Variants in BOD1L1 observed in about 807,000 individuals in gnomAD.
BOD1L1 encodes biorientation of chromosomes in cell division protein 1-like 1.
BOD1L1 carries 86 observed loss-of-function variants against 240.7 expected under a neutral mutation model. The ratio of observed to expected loss-of-function variants is 0.36; its 90% CI spans 0.30 to 0.43. BOD1L1 has a LOEUF of 0.43. BOD1L1 is among the 20% of genes least tolerant of loss of function. BOD1L1 has a pLI of 1.00. For synonymous variants in BOD1L1, 1,268 were observed against 1,272.3 expected, an observed-to-expected ratio of 1.00 and a Z score of 0.07; for missense variants, 3,554 against 3,643.5, an observed-to-expected ratio of 0.98 and a Z score of 0.63.
chr4:13,581,325 C>T lies in BOD1L1; in HGVS notation c.8593-118G>A. 3 of 679,422 alleles carry T rather than the reference C, an allele frequency of 4.4e-6. No homozygotes were observed. The South Asian group carries it at 6.6e-5, about 15-fold the overall frequency. The allele number at this position is 679,422 out of a possible 1,614,324, so 42.1% of individuals were successfully genotyped here. A position where few individuals can be genotyped will look rare whatever the true frequency, so the allele number is the denominator to read the frequency against. Reference sequence around the variant, plus strand: ...CTGTCTAAGAGACCTCAAATCCTAGCTTTGTCACTTTAAAAATATGTGATG... The same window carrying T: ...CTGTCTAAGAGACCTCAAATCCTAGTTTTGTCACTTTAAAAATATGTGATG... On this transcript the variant is annotated intron_variant, in intron 19 of 25. Transcript: ENST00000040738.
chr4:13,595,404 T>G (rs1181353372), intron 12 of BOD1L1, among the ~76,000 whole-genome samples: 1 of 152,294 alleles, frequency 6.6e-6, no homozygotes. Context: ...ACAGAGAGAC[T>G]GAGATGAGGT....
At chr4:13,584,441 A>AGGGTGTGT (rs1476066597) in intron 17 of BOD1L1, among the ~76,000 whole-genome samples, 1 of 134,814 alleles carries the variant, frequency 7.4e-6, no homozygotes. Flanking sequence ...AGAGAGAGAG[A>AGGGTGTGT]GTGTGTGTGT....
At chr4:13,579,581 G>T (rs780666586) in intron 22 of BOD1L1, among the ~76,000 whole-genome samples, 17 of 152,236 alleles carry the variant, frequency 1.1e-4, no homozygotes, top group Middle Eastern at 3.4e-3. Context: ...ACCACAAAAT[G>T]CATACATATA....
chr4:13,584,441 A>AGTGTGTGTGT lies in BOD1L1; in HGVS notation c.8434-1715_8434-1706dup, dbSNP rs36096107. Reference sequence around the variant, plus strand: ...GTGGCGGGGAGAGAAAGAGAGAGAGAGTGTGTGTGTGTGTGTGTGTGTGTG... The same window carrying AGTGTGTGTGT: ...GTGGCGGGGAGAGAAAGAGAGAGAGAGTGTGTGTGTGTGTGTGTGTGTGTGTGTGTGTGTG... On this transcript the variant is annotated intron_variant, in intron 17 of 25. Coordinates refer to ENST00000040738, the MANE Select transcript of BOD1L1 (RefSeq NM_148894.3). Among the ~76,000 whole-genome samples, 425 of 134,882 alleles carry AGTGTGTGTGT rather than the reference A, an allele frequency of 3.2e-3. 4 individuals carry two copies. Among genetic ancestry groups the AGTGTGTGTGT allele is most frequent in the African/African-American group, 9.0e-3 (329 of 36,406 alleles). 88.5% of individuals were successfully genotyped at this position (134,882 alleles called of 152,430 possible). A position where few individuals can be genotyped will look rare whatever the true frequency, so the allele number is the denominator to read the frequency against.
rs1712004118 is a variant in BOD1L1 at position 13,569,276 on chromosome 4, T to A, written c.*735A>T. 6.6e-6 allele frequency: 1 copy of A among 152,194 alleles called. No homozygotes were observed. Among genetic ancestry groups the A allele is most frequent in the Admixed American group, 6.5e-5 (1 of 15,280 alleles). 9.4% of individuals were successfully genotyped at this position (152,194 alleles called of 1,614,324 possible). A position where few individuals can be genotyped will look rare whatever the true frequency, so the allele number is the denominator to read the frequency against. ...GCAACTTTACCTGAACCAGAACCTG[T>A]TTTGTGTCAACGTGGCTGGTAGTAA... On this transcript the variant is annotated 3_prime_UTR_variant, in exon 26 of 26. Transcript: ENST00000040738.
intron 12 of BOD1L1, among the ~76,000 whole-genome samples, chr4:13,593,720 C>G (rs1361661392): frequency 6.6e-6 from 1 of 152,052 alleles, no homozygotes; most frequent in East Asian, 1.9e-4. Flanking sequence ...TCAGTCATTT[C>G]CATGTTGATT....
Position 13,627,689 on chromosome 4 carries a change from G to C in BOD1L1, c.-102C>G, listed in dbSNP as rs1717522924. 1 of 975,920 alleles carries C rather than the reference G, an allele frequency of 1.0e-6. No individual in the cohort carries two copies. The highest frequency in any genetic ancestry group is 1.8e-5 in the African/African-American group (1 of 57,064). The allele number at this position is 975,920 out of a possible 1,614,324, so 60.5% of individuals were successfully genotyped here. On this transcript the variant is annotated 5_prime_UTR_variant, in exon 1 of 26. Coordinates refer to ENST00000040738, the MANE Select transcript of BOD1L1 (RefSeq NM_148894.3). ...GCCTGAGGGAAGCCAACGGGATGTT[G>C]TTACGGAACCAGCGGATCCAGAGCA...
At chr4:13,573,470 A>ATCTATCTATCTATCTTTCTTTCTTTCTT (rs71169517) in intron 25 of BOD1L1, among the ~76,000 whole-genome samples, 9 of 122,728 alleles carry the variant, frequency 7.3e-5, no homozygotes, top group African/African-American at 2.4e-4. Flanking sequence ...CTATCTATCT[A>ATCTATCTATCTATCTTTCTTTCTTTCTT]TCTTTCTTTC....
chr4:13,601,119 A>C lies in BOD1L1; in HGVS notation c.5781T>G (p.Asn1927Lys). The change falls in exon 10 of 26, where the codon AAT becomes AAG. Residue 1927 changes from asparagine (N) to lysine (K), a missense_variant. Transcript: ENST00000040738. ...AEAGAAIMNA[N>K]ENNVDSMSGT... The stretch of plus-strand genomic sequence containing the variant: ...CACTCATGCTGTCAACATTATTTTC[A>C]TTTGCATTCATGATGGCAGCTCCAG... 1 of 1,613,770 alleles carries C rather than the reference A, an allele frequency of 6.2e-7. No homozygotes were observed. Among genetic ancestry groups the C allele is most frequent in the Non-Finnish European group, 8.5e-7 (1 of 1,179,852 alleles).
intron 8 of BOD1L1, among the ~76,000 whole-genome samples, chr4:13,608,209 G>A (rs1715865789): frequency 6.6e-6 from 1 of 152,096 alleles, no homozygotes; most frequent in African/African-American, 2.4e-5. Context: ...ATACCTCCAG[G>A]GAACTTCTAG....
intron 5 of BOD1L1, 114 bp from the exon 6 acceptor site, chr4:13,611,214 A>G: frequency 1.5e-6 from 1 of 651,090 alleles, no homozygotes; most frequent in Non-Finnish European, 2.5e-6. Context: ...GGGAAATATC[A>G]GGATGTGAAG....
intron 17 of BOD1L1, among the ~76,000 whole-genome samples, chr4:13,583,526 G>A (rs1468123531): frequency 1.3e-5 from 2 of 152,092 alleles, no homozygotes; most frequent in African/African-American, 2.4e-5. Flanking sequence ...TAGCCTTTCA[G>A]GGACTGGAAG....
chr4:13,590,263 A>T lies in BOD1L1; in HGVS notation c.8209+123T>A, dbSNP rs1200053002. 6.0e-6 allele frequency: 3 copies of T among 502,326 alleles called. No individual in the cohort carries two copies. In the East Asian group the frequency reaches 1.1e-4, roughly 18 times the overall value. 31.1% of individuals were successfully genotyped at this position (502,326 alleles called of 1,614,324 possible). A position where few individuals can be genotyped will look rare whatever the true frequency, so the allele number is the denominator to read the frequency against. ...ATGCTGTTAACTATCACTTTACTGA[A>T]TTTTTATGAATTAAATGAGAGAAAG... On this transcript the variant is annotated intron_variant, in intron 14 of 25. Transcript: ENST00000040738.
At chr4:13,573,885 T>C (rs1047858009) in intron 25 of BOD1L1, among the ~76,000 whole-genome samples, 1 of 152,078 alleles carries the variant, frequency 6.6e-6, no homozygotes, top group Non-Finnish European at 1.5e-5. Context: ...CTATGTTGCT[T>C]AGGCTGGTCT....
At position 13,603,604 on chromosome 4, in the gene BOD1L1, C is replaced by A. The variant is rs949087853; in HGVS notation, c.3296G>T (p.Gly1099Val). The A allele has an allele frequency of 1.2e-6, 2 of 1,613,938 alleles. No individual in the cohort carries two copies. The highest frequency in any genetic ancestry group is 1.1e-5 in the South Asian group (1 of 91,068). ...CTTTTTTGGTCTCTGAAGGGAGGAA[C>A]CGCTGGGAGTGCTCAAAGTGTTTGC... The part of the protein sequence containing the change: ...LAANTLSTPS[G>V]SSLQRPKKSG... Residue 1099 changes from glycine to valine, a missense_variant, in exon 10 of 26, where the codon GGT becomes GTT. Physicochemically the swap from Gly to Val is moderately radical, Grantham distance 109 (BLOSUM62 -3). Around this residue, in one of 2 missense-constraint regions of BOD1L1, gnomAD observed 3,393 missense variants for 3,427.1 expected, o/e 0.99. Transcript: ENST00000040738.
chr4:13,588,138 C>T (rs1045122844), intron 15 of BOD1L1, among the ~76,000 whole-genome samples: 6 of 146,132 alleles, frequency 4.1e-5, no homozygotes, highest in South Asian at 2.1e-4. Flanking sequence ...CAGTGAGAAG[C>T]GTTCACACCA....
At position 13,603,213 on chromosome 4, in the gene BOD1L1, A is replaced by G; in HGVS notation, c.3687T>C (p.Thr1229=). The part of the protein sequence containing the change: ...GEKEPIHRGT[T]EVNIDSETVH... Reference sequence around the variant, plus strand: ...CAGTTTCAGAATCTATATTCACTTCAGTAGTTCCTCTATGAATGGGTTCTT... The same window carrying G: ...CAGTTTCAGAATCTATATTCACTTCGGTAGTTCCTCTATGAATGGGTTCTT... Residue 1229 remains threonine, a synonymous_variant, in exon 10 of 26, where the codon ACT becomes ACC. Transcript: ENST00000040738. 2 of 1,614,018 alleles carry G rather than the reference A, an allele frequency of 1.2e-6. No homozygotes were observed. Among genetic ancestry groups the G allele is most frequent in the Non-Finnish European group, 1.7e-6 (2 of 1,179,878 alleles).
At position 13,608,555 on chromosome 4, in the gene BOD1L1, T is replaced by C; in HGVS notation, c.1717A>G (p.Ser573Gly). The change falls in exon 8 of 26, where the codon AGC becomes GGC. Residue 573 changes from serine (S) to glycine (G), a missense_variant. This residue lies in a region of BOD1L1 where 3,393 missense variants were observed against 3,427.1 expected (regional missense o/e 0.99). Transcript: ENST00000040738. Reference protein sequence around the residue: ...RKVLEKKVALSKKRKKDSRNV... With the variant: ...RKVLEKKVALGKKRKKDSRNV... ...CTTGAATCTTTTTTTCTCTTTTTGC[T>C]TAAGGCTACTTTTTTTTCTAAAACT... is the stretch of plus-strand genomic sequence containing the variant. 6.5e-7 allele frequency: 1 copy of C among 1,544,414 alleles called. No individual in the cohort carries two copies. Among genetic ancestry groups the C allele is most frequent in the South Asian group, 1.3e-5 (1 of 79,912 alleles).
intron 25 of BOD1L1, among the ~76,000 whole-genome samples, chr4:13,576,179 CGT>C (rs1170437641): frequency 2.2e-4 from 33 of 151,840 alleles, no homozygotes; most frequent in African/African-American, 7.7e-4. Flanking sequence ...GGATTACAGG[CGT>C]GAGTCACCGC....
Sources: allele counts gnomAD v4.1 joint callset (sites outside exome capture counted in the v4.1 genomes callset), GRCh38; gene constraint gnomAD v4.1.1; regional missense constraint gnomAD v4.1.1; transcripts MANE v1.5; gene names NCBI Gene and HGNC (gene_info 2026-07-23, HGNC 2026-07-21).